DHRSX: variants seen among roughly 807,000 people sequenced by gnomAD.
DHRSX encodes the protein polyprenol dehydrogenase.
In DHRSX, 31 loss-of-function variants were observed where a neutral mutation model predicts 34.0. The observed-to-expected ratio is 0.91, with a 90% CI of 0.69 to 1.23. The LOEUF (loss-of-function observed/expected upper bound fraction) is 1.23, where lower values mean the gene tolerates loss of function less well. Ranked by LOEUF, DHRSX falls within the 50% of genes most tolerant of loss-of-function variation. The pLI is 0.00. For synonymous variants in DHRSX, 201 were observed against 183.8 expected, an observed-to-expected ratio of 1.09 and a Z score of -0.76; for missense variants, 414 against 428.1, an observed-to-expected ratio of 0.97 and a Z score of 0.29.
chrX:2,323,434 A>C (rs2042337385), intron 3 of DHRSX, among the ~76,000 whole-genome samples: 1 of 152,138 alleles, frequency 6.6e-6, no homozygotes, highest in Admixed American at 6.6e-5. Context: ...AGACAGGCCA[A>C]GGCAGAAACA....
chrX:2,333,448 T>G (rs2042508471), intron 3 of DHRSX, among the ~76,000 whole-genome samples: 1 of 152,268 alleles, frequency 6.6e-6, no homozygotes, highest in South Asian at 2.1e-4. Context: ...AGAGTGCCAC[T>G]CTGCCGCCCA....
At chrX:2,486,740 G>A (rs903897015) in intron 1 of DHRSX, 5 of 152,242 alleles carry the variant, frequency 3.3e-5, no homozygotes, top group South Asian at 4.1e-4. Flanking sequence ...GAGAACACCC[G>A]GAGCTGAGGG....
intron 3 of DHRSX, among the ~76,000 whole-genome samples, chrX:2,379,746 G>A (rs1347601123): frequency 6.6e-6 from 1 of 151,882 alleles, no homozygotes; most frequent in African/African-American, 2.4e-5. Flanking sequence ...CCTAGAGAAA[G>A]CTGTTTTGCC....
At chrX:2,436,412 G>C (rs2043991335) in intron 1 of DHRSX, among the ~76,000 whole-genome samples, 3 of 150,358 alleles carry the variant, frequency 2.0e-5, no homozygotes, top group African/African-American at 7.3e-5. Context: ...TTTATCATGA[G>C]GTTGGTGCAA....
chrX:2,306,697 A>T (rs1439681124), intron 3 of DHRSX, among the ~76,000 whole-genome samples: 7 of 151,962 alleles, frequency 4.6e-5, no homozygotes, highest in African/African-American at 1.7e-4. Flanking sequence ...GTTTGCTAGT[A>T]TGTGGTTGAG....
intron 1 of DHRSX, among the ~76,000 whole-genome samples, chrX:2,429,450 GC>G (rs1379766443): frequency 1.8e-5 from 1 of 56,584 alleles, no homozygotes; most frequent in Admixed American, 2.0e-4. Context: ...TCTCTGTGAT[GC>G]TTTTTTTTTT....
chrX:2,307,936 C>A (rs1244322308), intron 3 of DHRSX, among the ~76,000 whole-genome samples: 1 of 151,916 alleles, frequency 6.6e-6, no homozygotes, highest in Non-Finnish European at 1.5e-5. Context: ...GGAACCTAAC[C>A]CATGTAGGAG....
At chrX:2,416,485 CA>C (rs2043694865) in intron 2 of DHRSX, among the ~76,000 whole-genome samples, 1 of 152,150 alleles carries the variant, frequency 6.6e-6, no homozygotes. Flanking sequence ...ACCTGGCCTG[CA>C]GCTGGATATT....
chrX:2,459,038 C>T (rs1404404291), intron 1 of DHRSX, among the ~76,000 whole-genome samples: 3 of 151,970 alleles, frequency 2.0e-5, no homozygotes, highest in Non-Finnish European at 4.4e-5. Context: ...ACCTGGGAGG[C>T]TCAGGTGGGA....
chrX:2,386,695 T>C (rs1215792306), intron 3 of DHRSX, among the ~76,000 whole-genome samples: 1 of 152,210 alleles, frequency 6.6e-6, no homozygotes, highest in Non-Finnish European at 1.5e-5. Context: ...AATATGTTAG[T>C]TGAGTTAAGA....
chrX:2,400,691 C>A (rs1486590158), intron 3 of DHRSX, among the ~76,000 whole-genome samples: 1 of 152,180 alleles, frequency 6.6e-6, no homozygotes, highest in Non-Finnish European at 1.5e-5. Context: ...CAACAACCCT[C>A]ATCTCTTGCA....
At chrX:2,310,748 A>AAGAGACAGAGAGTGTGCCAG (rs2042154562) in intron 3 of DHRSX, among the ~76,000 whole-genome samples, 1 of 151,898 alleles carries the variant, frequency 6.6e-6, no homozygotes. Context: ...GAGAGCTTGA[A>AAGAGACAGAGAGTGTGCCAG]AGAGACAGAG....
intron 3 of DHRSX, among the ~76,000 whole-genome samples, chrX:2,298,000 C>A (rs112434049): frequency 0.16 from 24,444 of 152,058 alleles, 2,633 homozygotes; most frequent in Non-Finnish European, 0.23. Context: ...AGGTGATCTG[C>A]CCGCCTCGGC....
chrX:2,379,987 G>A lies in DHRSX; in HGVS notation c.286+28758C>T, dbSNP rs756526075. Among the ~76,000 whole-genome samples, 7 of 152,136 alleles carry A rather than the reference G, an allele frequency of 4.6e-5. No homozygotes were observed. In the East Asian group the frequency reaches 1.4e-3, roughly 29 times the overall value. ...CTTTTCTGTTGATTCCAAAATCCTG[G>A]ATGGATTTCCTGCTAAAAGATTGCA... On this transcript the variant is annotated intron_variant, in intron 3 of 6. Coordinates refer to ENST00000334651, the MANE Select transcript of DHRSX (RefSeq NM_145177.3).
chrX:2,335,880 G>A (rs866530790), intron 3 of DHRSX, among the ~76,000 whole-genome samples: 8 of 152,062 alleles, frequency 5.3e-5, no homozygotes, highest in Admixed American at 1.3e-4. Flanking sequence ...TATTGTTACT[G>A]TCACTATGCT....
chrX:2,240,558 A>G (rs2016117042), intron 6 of DHRSX, among the ~76,000 whole-genome samples: 1 of 151,762 alleles, frequency 6.6e-6, no homozygotes. Flanking sequence ...AATTACCTAA[A>G]GGGAAAAGCT....
At chrX:2,378,833 G>A (rs1206415542) in intron 3 of DHRSX, among the ~76,000 whole-genome samples, 1 of 151,944 alleles carries the variant, frequency 6.6e-6, no homozygotes, top group Non-Finnish European at 1.5e-5. Context: ...ACCACGCCTG[G>A]CTACTTTTTT....
At chrX:2,451,006 C>T (rs1303834734) in intron 1 of DHRSX, among the ~76,000 whole-genome samples, 2 of 151,978 alleles carry the variant, frequency 1.3e-5, no homozygotes, top group African/African-American at 4.8e-5. Context: ...AAGTGGGTCC[C>T]CACCAGACAC....
At chrX:2,323,491 G>A (rs970122291) in intron 3 of DHRSX, among the ~76,000 whole-genome samples, 3 of 152,176 alleles carry the variant, frequency 2.0e-5, no homozygotes, top group Non-Finnish European at 2.9e-5. Flanking sequence ...GGCCAGACAC[G>A]GTGGTACACG....
Sources: allele counts gnomAD v4.1 joint callset (sites outside exome capture counted in the v4.1 genomes callset), GRCh38; gene constraint gnomAD v4.1.1; transcripts MANE v1.5; gene names NCBI Gene and HGNC (gene_info 2026-07-23, HGNC 2026-07-21).